The following ZBTB34 variants were observed in gnomAD, a reference collection of about 807,000 sequenced individuals.
ZBTB34 encodes zinc finger and BTB domain-containing protein 34.
In ZBTB34, 1 loss-of-function variant was observed where a neutral mutation model predicts 33.4. That is an observed-to-expected ratio of 0.03 (90% CI 0.01 to 0.14). ZBTB34 has a LOEUF of 0.14. Ranked by LOEUF, ZBTB34 falls within the 10% of genes least tolerant of loss-of-function variation. The pLI, the probability that ZBTB34 is intolerant of heterozygous loss-of-function variation, is 1.00. For missense variants in ZBTB34, 406 were observed against 657.2 expected, an observed-to-expected ratio of 0.62 and a Z score of 4.18; for synonymous variants, 283 against 253.5, an observed-to-expected ratio of 1.12 and a Z score of -1.11.
chr9:126,881,235 A>G, exon 2 of ZBTB34: 1 of 285,954 alleles, frequency 3.5e-6, no homozygotes, highest in Non-Finnish European at 7.1e-6. Context: ...GCCAAGAGGC[A>G]TACTCTTTCT....
intron 1 of ZBTB34, among the ~76,000 whole-genome samples, chr9:126,868,696 G>C (rs1300167731): frequency 2.0e-5 from 3 of 152,114 alleles, no homozygotes; most frequent in Admixed American, 6.5e-5. Flanking sequence ...TTGCTTTCAG[G>C]GCGCCGGTCT....
chr9:126,880,342 A>G lies in ZBTB34; in HGVS notation c.943A>G (p.Met315Val), dbSNP rs1413620845. The G allele has an allele frequency of 1.2e-6, 2 of 1,613,996 alleles. No individual in the cohort carries two copies. Among genetic ancestry groups the G allele is most frequent in the Non-Finnish European group, 1.7e-6 (2 of 1,179,908 alleles). ...GAGTAATTCCAGCCCATCCAGGTCC[A>G]TGCTGAGCTGTTTCCGAGGAGGGCG... Residue 315 changes from methionine (M) to valine (V), a missense_variant, in exon 2 of 2, where the codon ATG becomes GTG. Met to Val is a conservative substitution (Grantham distance 21, BLOSUM62 1). This residue lies in a region of ZBTB34 where 123 missense variants were observed against 140.4 expected (regional missense o/e 0.88). Transcript: ENST00000319119. This position sits in a 1 kb window ranked among gnomAD's most constrained non-coding sequence, Gnocchi z 6.7.
At chr9:126,872,561 C>G (rs2033294776) in intron 1 of ZBTB34, among the ~76,000 whole-genome samples, 1 of 152,180 alleles carries the variant, frequency 6.6e-6, no homozygotes, top group Admixed American at 6.5e-5. Flanking sequence ...CATATTTGAA[C>G]TTGAATTGTG....
intron 1 of ZBTB34, among the ~76,000 whole-genome samples, chr9:126,878,786 T>TGCTCTCG (rs570971090): frequency 1.0e-3 from 151 of 151,596 alleles, no homozygotes; most frequent in African/African-American, 3.6e-3. Context: ...TGCAGTGGTG[T>TGCTCTCG]GCTCTCGGCT....
In ZBTB34 at chr9:126,879,035, A is replaced by AT. The variant is rs2033400392; in HGVS notation, c.-10-350dup. On this transcript the variant is annotated intron_variant, in intron 1 of 1. Transcript: ENST00000319119. The surrounding 1 kb of genome is among the most constrained non-coding windows in gnomAD (Gnocchi z 6.4). ...CACTGCGCCTGGCCTGAATTTAGTT[A>AT]TTTTTCACAAAGTACTTCAAACCCT... Among the ~76,000 whole-genome samples the AT allele has an allele frequency of 6.6e-6, 1 of 151,976 alleles. No homozygotes were observed.
intron 1 of ZBTB34, among the ~76,000 whole-genome samples, chr9:126,861,152 T>C (rs1210232221): frequency 6.6e-6 from 1 of 151,928 alleles, no homozygotes; most frequent in African/African-American, 2.4e-5. Context: ...GATGGTTGAG[T>C]TCCCTGGAGA....
rs781115278 is a variant in ZBTB34 at position 126,874,036 on chromosome 9, CTTT to C, written c.-10-5331_-10-5329del. Among the ~76,000 whole-genome samples, 4 of 66,028 alleles carry C rather than the reference CTTT, an allele frequency of 6.1e-5. No homozygotes were observed. The South Asian group carries it at 1.8e-3, about 29-fold the overall frequency. 43.3% of individuals were successfully genotyped at this position (66,028 alleles called of 152,430 possible). Reference sequence around the variant, plus strand: ...TGTGAGAGACTCTGCTGTGTATGTTCTTTTTTTTTTTTTTTTTTTTTTTTTGAG... The same window carrying C: ...TGTGAGAGACTCTGCTGTGTATGTTCTTTTTTTTTTTTTTTTTTTTTTGAG... On this transcript the variant is annotated intron_variant, in intron 1 of 1. Coordinates refer to ENST00000319119, the Ensembl canonical transcript of ZBTB34.
chr9:126,882,339 C>T (rs2033453958), exon 2 of ZBTB34: 1 of 167,040 alleles, frequency 6.0e-6, no homozygotes, highest in Non-Finnish European at 1.5e-5. Flanking sequence ...AATTGTTTTC[C>T]TCTCTTGAGT....
In ZBTB34 at chr9:126,880,007, A is replaced by C. The variant is rs767342213; in HGVS notation, c.608A>C (p.His203Pro). The C allele has an allele frequency of 6.2e-7, 1 of 1,613,580 alleles. No individual in the cohort carries two copies. Among genetic ancestry groups the C allele is most frequent in the Admixed American group, 1.7e-5 (1 of 60,010 alleles). ...CGCAGCCGCTTACAGGAGGAGGGGCACTCAGACCGCGGGAGCAGTGGGAGC... is the reference window on the plus strand; with the variant it reads ...CGCAGCCGCTTACAGGAGGAGGGGCCCTCAGACCGCGGGAGCAGTGGGAGC... Residue 203 changes from histidine (H) to proline (P), a missense_variant, in exon 2 of 2, where the codon CAC becomes CCC. Transcript: ENST00000319119. The surrounding 1 kb of genome is among the most constrained non-coding windows in gnomAD (Gnocchi z 6.7).
exon 2 of ZBTB34, chr9:126,884,502 C>T (rs1308421084): frequency 3.0e-5 from 5 of 166,388 alleles, no homozygotes; most frequent in Admixed American, 6.6e-5. Context: ...TTTTAAACAG[C>T]AGAAAGGATA....
chr9:126,870,976 T>C (rs1266856743), intron 1 of ZBTB34, among the ~76,000 whole-genome samples: 1 of 151,890 alleles, frequency 6.6e-6, no homozygotes, highest in Non-Finnish European at 1.5e-5. Flanking sequence ...CTTTCACCTA[T>C]CAGTTTGGCT....
At chr9:126,871,005 G>A (rs898438694) in intron 1 of ZBTB34, among the ~76,000 whole-genome samples, 3 of 152,076 alleles carry the variant, frequency 2.0e-5, no homozygotes, top group Non-Finnish European at 2.9e-5. Context: ...GAAAGGGTTC[G>A]ATACCCATTG....
At chr9:126,885,267 T>C (rs2033506245) in exon 2 of ZBTB34, 1 of 167,104 alleles carries the variant, frequency 6.0e-6, no homozygotes, top group Admixed American at 6.5e-5. Context: ...GGGGCTATTG[T>C]AGTTCTTGAT....
chr9:126,867,056 C>T (rs1417688636), intron 1 of ZBTB34, among the ~76,000 whole-genome samples: 1 of 151,786 alleles, frequency 6.6e-6, no homozygotes, highest in Admixed American at 6.5e-5. Flanking sequence ...GATCTACCCA[C>T]TCTTCTTAAT....
intron 1 of ZBTB34, among the ~76,000 whole-genome samples, chr9:126,871,259 C>T (rs2033275161): frequency 1.3e-5 from 2 of 150,800 alleles, no homozygotes; most frequent in African/African-American, 4.9e-5. Flanking sequence ...TTCTTAGTAT[C>T]AACTGGGAAC....
At chr9:126,866,405 C>T (rs190136510) in intron 1 of ZBTB34, among the ~76,000 whole-genome samples, 69 of 152,274 alleles carry the variant, frequency 4.5e-4, no homozygotes, top group Non-Finnish European at 8.7e-4. Context: ...CTTCTCCTTC[C>T]ATGGCCTTCC....
intron 1 of ZBTB34, among the ~76,000 whole-genome samples, chr9:126,878,469 CA>C (rs958111935): frequency 2.8e-3 from 358 of 127,804 alleles, no homozygotes; most frequent in Middle Eastern, 3.9e-3. Context: ...GATTCTGTCT[CA>C]AAAAAAAAAA....
rs546682192 is a variant in ZBTB34, at chr9:126,881,641, C to A, written c.*727C>A. 2.9e-4 allele frequency: 48 copies of A among 167,084 alleles called. 1 individual carries two copies. The highest frequency in any genetic ancestry group is 1.4e-3 in the Admixed American group (22 of 15,276). The allele number at this position is 167,084 out of a possible 1,614,324, so 10.4% of individuals were successfully genotyped here. A position where few individuals can be genotyped will look rare whatever the true frequency, so the allele number is the denominator to read the frequency against. On this transcript the variant is annotated 3_prime_UTR_variant, in exon 2 of 2. Transcript: ENST00000319119. ...CTCTGCTTCATAACAAATACATAAA[C>A]CAAATGCCATAAAATTTCTTCAACT...
At chr9:126,869,933 A>G (rs1039945938) in intron 1 of ZBTB34, among the ~76,000 whole-genome samples, 2 of 152,256 alleles carry the variant, frequency 1.3e-5, no homozygotes, top group Non-Finnish European at 2.9e-5. Flanking sequence ...TAAAAGAAGT[A>G]TCTCACATTC....
Sources: allele counts gnomAD v4.1 joint callset (sites outside exome capture counted in the v4.1 genomes callset), GRCh38; gene constraint gnomAD v4.1.1; regional missense constraint gnomAD v4.1.1; non-coding constraint Gnocchi (gnomAD v3.1); transcripts MANE v1.5; gene names NCBI Gene and HGNC (gene_info 2026-07-23, HGNC 2026-07-21).